The following ZNF490 variants were observed in gnomAD, a reference collection of about 807,000 sequenced individuals.
ZNF490 encodes the protein zinc finger protein 490.
A neutral mutation model predicts 17.7 loss-of-function variants in ZNF490; 11 were observed. That is an observed-to-expected ratio of 0.62 (90% CI 0.39 to 1.03). The LOEUF is 1.03. Among genes scored for constraint, ZNF490 ranks in the 50% least tolerant of loss-of-function variants. The probability of loss-of-function intolerance (pLI) is 0.00; values close to 1 mark genes in which losing one functional copy is unlikely to be tolerated. For missense variants in ZNF490, 542 were observed against 643.4 expected, an observed-to-expected ratio of 0.84 and a Z score of 1.71; for synonymous variants, 222 against 216.1, an observed-to-expected ratio of 1.03 and a Z score of -0.24.
rs950995561 is a variant in ZNF490, at chr19:12,589,902, GTATGTATGTATT to G, written c.163-6358_163-6347del. The stretch of plus-strand genomic sequence containing the variant: ...TGTATGTATGTATGTATGTATGTAT[GTATGTATGTATT>G]TATTTATTTATTTATTTAGTGAGAG... On this transcript the variant is annotated intron_variant, in intron 2 of 4. Transcript: ENST00000311437. 4.0e-4 allele frequency among the ~76,000 whole-genome samples: 47 copies of G among 118,926 alleles called. 1 individual carries two copies. The highest frequency in any genetic ancestry group is 3.2e-3 in the South Asian group (13 of 4,124). 78.0% of individuals were successfully genotyped at this position (118,926 alleles called of 152,430 possible). A position where few individuals can be genotyped will look rare whatever the true frequency, so the allele number is the denominator to read the frequency against.
At chr19:12,597,137 C>T (rs989900876) in intron 2 of ZNF490, 2 of 462,260 alleles carry the variant, frequency 4.3e-6, no homozygotes, top group African/African-American at 2.0e-5. Context: ...ACTCCCGGCC[C>T]CGCACACTCA....
At position 12,581,159 on chromosome 19, in the gene ZNF490, A is replaced by T; in HGVS notation, c.916T>A (p.Tyr306Asn). The change falls in exon 5 of 5, where the codon TAT becomes AAT. Residue 306 changes from tyrosine (Y) to asparagine (N), a missense_variant. Physicochemically the swap from Tyr to Asn is moderately radical, Grantham distance 143. Coordinates refer to ENST00000311437, the MANE Select transcript of ZNF490 (RefSeq NM_020714.3). ...HERTHTGEKPYECKQCGKAFS... is the reference protein window; with the variant it reads ...HERTHTGEKPNECKQCGKAFS... ...GCTTTCCCACATTGCTTACATTCATAAGGTTTCTCTCCAGTGTGAGTCCTT... is the reference window on the plus strand; with the variant it reads ...GCTTTCCCACATTGCTTACATTCATTAGGTTTCTCTCCAGTGTGAGTCCTT... The T allele has an allele frequency of 6.2e-7, 1 of 1,613,490 alleles. No homozygotes were observed. The highest frequency in any genetic ancestry group is 8.5e-7 in the Non-Finnish European group (1 of 1,179,420).
intron 2 of ZNF490, among the ~76,000 whole-genome samples, chr19:12,607,496 G>A (rs1457531542): frequency 1.3e-5 from 2 of 151,998 alleles, no homozygotes; most frequent in Non-Finnish European, 2.9e-5. Flanking sequence ...TCCAGCCTGG[G>A]TGACAGAACA....
chr19:12,603,517 C>A (rs148639189), intron 2 of ZNF490, among the ~76,000 whole-genome samples: 1 of 151,670 alleles, frequency 6.6e-6, no homozygotes, highest in African/African-American at 2.4e-5. Flanking sequence ...AAAGGCTGGG[C>A]GCTGGGGCTC....
At chr19:12,590,643 G>A (rs116297626) in intron 2 of ZNF490, among the ~76,000 whole-genome samples, 2,584 of 152,286 alleles carry the variant, frequency 0.017, 75 homozygotes, top group African/African-American at 0.057. Flanking sequence ...ACATGACTGC[G>A]TATGTAGAGA....
chr19:12,583,809 A>T (rs868039869), intron 2 of ZNF490, among the ~76,000 whole-genome samples: 210 of 105,066 alleles, frequency 2.0e-3, no homozygotes, highest in African/African-American at 7.6e-3. Context: ...ATATATATAT[A>T]TATTTTTTTT....
rs1221188127 is a variant in ZNF490, at chr19:12,577,760, G to A, written c.*2725C>T. 3.0e-6 allele frequency: 3 copies of A among 985,348 alleles called. No individual in the cohort carries two copies. The highest frequency in any genetic ancestry group is 1.7e-5 in the African/African-American group (1 of 57,218). The allele number at this position is 985,348 out of a possible 1,614,324, so 61.0% of individuals were successfully genotyped here. On this transcript the variant is annotated 3_prime_UTR_variant, in exon 5 of 5. Coordinates refer to ENST00000311437, the MANE Select transcript of ZNF490 (RefSeq NM_020714.3). Reference sequence around the variant, plus strand: ...CCAGAGGCCTAAAGAGTTCCGACCCGAGCGACACAAAGATCACTTCTGGGA... The same window carrying A: ...CCAGAGGCCTAAAGAGTTCCGACCCAAGCGACACAAAGATCACTTCTGGGA...
chr19:12,589,910 GTATT>G (rs780976188), intron 2 of ZNF490, among the ~76,000 whole-genome samples: 11,309 of 50,526 alleles, frequency 0.22, 569 homozygotes, highest in Non-Finnish European at 0.27. Context: ...ATGTATGTAT[GTATT>G]TATTTATTTA....
In ZNF490 at chr19:12,577,053, G is replaced by C. The variant is rs118063451; in HGVS notation, c.*3432C>G. Among the ~76,000 whole-genome samples the C allele has an allele frequency of 6.6e-6, 1 of 151,936 alleles. No homozygotes were observed. Among genetic ancestry groups the C allele is most frequent in the Non-Finnish European group, 1.5e-5 (1 of 68,014 alleles). On this transcript the variant is annotated 3_prime_UTR_variant, in exon 5 of 5. Transcript: ENST00000311437. ...CTTCTCCAGGTTTCTCTGGCTCCTC[G>C]GGAATAACCACCACAGTGCCTTATA... is the stretch of plus-strand genomic sequence containing the variant.
At chr19:12,608,123 C>T (rs1687671658) in intron 2 of ZNF490, among the ~76,000 whole-genome samples, 1 of 152,170 alleles carries the variant, frequency 6.6e-6, no homozygotes, top group South Asian at 2.1e-4. Context: ...GTTGGGATTA[C>T]AGAGTCACTT....
intron 4 of ZNF490, among the ~76,000 whole-genome samples, chr19:12,582,180 C>T (rs887161054): frequency 1.3e-5 from 2 of 152,040 alleles, no homozygotes; most frequent in African/African-American, 4.8e-5. Context: ...GGATTACAGG[C>T]GTGAGCCACT....
chr19:12,583,789 CTCTATATA>C (rs1280030159), intron 2 of ZNF490, among the ~76,000 whole-genome samples: 2 of 87,892 alleles, frequency 2.3e-5, no homozygotes, highest in African/African-American at 5.4e-5. Context: ...CTCTCTCTCT[CTCTATATA>C]TATATATATA....
At chr19:12,601,887 A>G (rs1054493503) in intron 2 of ZNF490, among the ~76,000 whole-genome samples, 22 of 151,200 alleles carry the variant, frequency 1.5e-4, no homozygotes, top group African/African-American at 4.4e-4. Context: ...CCAGCTACTC[A>G]GGAGGCTGAG....
intron 2 of ZNF490, among the ~76,000 whole-genome samples, chr19:12,593,257 T>C (rs992950151): frequency 1.6e-4 from 25 of 152,000 alleles, no homozygotes; most frequent in African/African-American, 5.5e-4. Context: ...TTTTTTTTTT[T>C]TTCCCTTTGA....
chr19:12,602,174 T>C (rs765217017), intron 2 of ZNF490, among the ~76,000 whole-genome samples: 3 of 151,752 alleles, frequency 2.0e-5, no homozygotes, highest in Non-Finnish European at 4.4e-5. Flanking sequence ...CATTGATCTC[T>C]ATGTCTGAAT....
intron 1 of ZNF490, chr19:12,609,791 G>A (rs770699031): frequency 7.4e-5 from 25 of 337,868 alleles, no homozygotes; most frequent in Admixed American, 5.3e-4. Flanking sequence ...GGGTAAACAT[G>A]GACATACAGA....
chr19:12,597,188 G>T (rs1236036904), intron 2 of ZNF490: 1 of 458,502 alleles, frequency 2.2e-6, no homozygotes, highest in Non-Finnish European at 4.4e-6. Context: ...TCCTCCCTAC[G>T]GATCCCTCAC....
intron 2 of ZNF490, among the ~76,000 whole-genome samples, chr19:12,593,698 T>A (rs763511243): frequency 6.6e-6 from 1 of 152,150 alleles, no homozygotes; most frequent in Non-Finnish European, 1.5e-5. Context: ...CTTTATTAGG[T>A]CCATTTCAAT....
chr19:12,605,085 G>A (rs1174406796), intron 2 of ZNF490, among the ~76,000 whole-genome samples: 1 of 151,042 alleles, frequency 6.6e-6, no homozygotes, highest in Non-Finnish European at 1.5e-5. Flanking sequence ...CCCTGGAGAT[G>A]GAGGTTGCAG....
Sources: allele counts gnomAD v4.1 joint callset (sites outside exome capture counted in the v4.1 genomes callset), GRCh38; gene constraint gnomAD v4.1.1; transcripts MANE v1.5; gene names NCBI Gene and HGNC (gene_info 2026-07-23, HGNC 2026-07-21).